Variants in BCAN observed in about 807,000 individuals in gnomAD.
BCAN encodes the protein brevican core protein.
Under a neutral mutation model 92.4 loss-of-function variants are expected in BCAN, and 51 were observed. That is an observed-to-expected ratio of 0.55 (90% CI 0.44 to 0.70). The LOEUF (loss-of-function observed/expected upper bound fraction) is 0.70. Ranked by LOEUF, BCAN falls within the 30% of genes least tolerant of loss-of-function variation. The pLI is 0.00. For missense variants in BCAN, 1,140 were observed against 1,212.1 expected, an observed-to-expected ratio of 0.94 and a Z score of 0.88; for synonymous variants, 501 against 505.2, an observed-to-expected ratio of 0.99 and a Z score of 0.11.
At chr1:156,655,153 C>A (rs983884883) in intron 8 of BCAN, among the ~76,000 whole-genome samples, 1 of 152,220 alleles carries the variant, frequency 6.6e-6, no homozygotes, top group Non-Finnish European at 1.5e-5. Context: ...CCATGACCTA[C>A]ACAGTTGGTC....
At chr1:156,648,455 A>G (rs1571441318) in intron 5 of BCAN, 113 bp from the exon 6 acceptor site, 1 of 1,148,330 alleles carries the variant, frequency 8.7e-7, no homozygotes, top group East Asian at 2.4e-5. Context: ...AGAGTAGTTG[A>G]CTCCCTGCCA....
intron 8 of BCAN, 136 bp from the exon 9 acceptor site, chr1:156,656,146 A>T (rs1196171277): frequency 4.2e-6 from 2 of 474,238 alleles, no homozygotes; most frequent in Non-Finnish European, 7.2e-6. Context: ...CTCTAGGGAG[A>T]ACTTTTAGGG....
intron 1 of BCAN, chr1:156,643,162 A>C (rs1434955144): frequency 6.6e-6 from 1 of 152,250 alleles, no homozygotes; most frequent in Non-Finnish European, 1.5e-5. Context: ...CAGTAAGATC[A>C]GGGAACAGTG....
At position 156,652,374 on chromosome 1, in the gene BCAN, A is replaced by G; in HGVS notation, c.1424A>G (p.Glu475Gly). 6.2e-7 allele frequency: 1 copy of G among 1,612,438 alleles called. No individual in the cohort carries two copies. Among genetic ancestry groups the G allele is most frequent in the Non-Finnish European group, 8.5e-7 (1 of 1,179,136 alleles). ...GAGGAAGAAGAAGAGGAGGAGGTGGAGGATGAGGCTCTGTGGGCATGGCCC... is the reference window on the plus strand; with the variant it reads ...GAGGAAGAAGAAGAGGAGGAGGTGGGGGATGAGGCTCTGTGGGCATGGCCC... ...KEEEEEEEEV[E>G]DEALWAWPSE... Residue 475 changes from glutamate to glycine, a missense_variant, in exon 8 of 14, where the codon GAG becomes GGG. Around this residue, in one of 3 missense-constraint regions of BCAN, gnomAD observed 825 missense variants for 871.8 expected, o/e 0.95. Transcript: ENST00000329117.
In BCAN at chr1:156,658,858, C is replaced by A; in HGVS notation, c.2628+125C>A. ...GAGCCATCACTGCCCCTCTCTGAGG[C>A]AAAGGGGAAGAGGTGGGCTGGAGGC... On this transcript the variant is annotated intron_variant, in intron 13 of 13. Coordinates refer to ENST00000329117, the MANE Select transcript of BCAN (RefSeq NM_021948.5). This position sits in a 1 kb window ranked among gnomAD's most constrained non-coding sequence, Gnocchi z 4.4. The A allele has an allele frequency of 1.4e-6, 2 of 1,438,028 alleles. No individual in the cohort carries two copies. The highest frequency in any genetic ancestry group is 1.9e-6 in the Non-Finnish European group (2 of 1,049,508). The allele number at this position is 1,438,028 out of a possible 1,614,324, so 89.1% of individuals were successfully genotyped here. A position where few individuals can be genotyped will look rare whatever the true frequency, so the allele number is the denominator to read the frequency against.
At position 156,658,187 on chromosome 1, in the gene BCAN, G is replaced by T. The variant is rs776936298; in HGVS notation, c.2353G>T (p.Val785Leu). Residue 785 changes from valine to leucine, a missense_variant, in exon 12 of 14, where the codon GTG becomes TTG. By Grantham distance (32) the Val-to-Leu change is conservative (BLOSUM62 1). This residue lies in a region of BCAN where 825 missense variants were observed against 871.8 expected (regional missense o/e 0.95). Transcript: ENST00000329117. This position sits in a 1 kb window ranked among gnomAD's most constrained non-coding sequence, Gnocchi z 4.4. ...CTACTTCCTGTCTGGAGAGAACTGC[G>T]TGGTCATGGTGTGGCATGATCAGGG... The part of the protein sequence containing the change: ...DSYFLSGENC[V>L]VMVWHDQGQW... The T allele has an allele frequency of 2.5e-6, 4 of 1,613,920 alleles. No individual in the cohort carries two copies. The highest frequency in any genetic ancestry group is 1.7e-6 in the Non-Finnish European group (2 of 1,179,964).
At position 156,652,866 on chromosome 1, in the gene BCAN, G is replaced by T; in HGVS notation, c.1916G>T (p.Gly639Val). The T allele has an allele frequency of 6.2e-7, 1 of 1,613,836 alleles. No individual in the cohort carries two copies. The highest frequency in any genetic ancestry group is 1.1e-5 in the South Asian group (1 of 91,082). Residue 639 changes from glycine (G) to valine (V), a missense_variant, in exon 8 of 14, where the codon GGT (glycine) becomes GTT (valine). This residue lies in a region of BCAN where 825 missense variants were observed against 871.8 expected (regional missense o/e 0.95). Transcript: ENST00000329117. ...CTGCCCACTGACAGCGCCAGCCGAG[G>T]TGGAGTGGCCGTGGTCCCCGCATCA... Reference protein sequence around the residue: ...PVLPTDSASRGGVAVVPASGD... With the variant: ...PVLPTDSASRVGVAVVPASGD...
At chr1:156,644,351 AG>A (rs1678892512) in intron 1 of BCAN, 1 of 152,266 alleles carries the variant, frequency 6.6e-6, no homozygotes, top group Non-Finnish European at 1.5e-5. Context: ...GAGAGAAGGG[AG>A]GGAGGGCACC....
chr1:156,643,633 C>CAGAGGGAGAG (rs1179850412), intron 1 of BCAN: 1 of 90,830 alleles, frequency 1.1e-5, no homozygotes, highest in African/African-American at 3.4e-5. Context: ...CACACACACA[C>CAGAGGGAGAG]ACAGAGAGAG....
rs761374302 is a variant in BCAN, at chr1:156,658,699, A to T, written c.2594A>T (p.Glu865Val). The T allele has an allele frequency of 6.2e-7, 1 of 1,613,972 alleles. No homozygotes were observed. ...LIRCQENGRWEAPQISCVPRR... is the reference protein window; with the variant it reads ...LIRCQENGRWVAPQISCVPRR... ...CGATGCCAAGAGAACGGTCGTTGGGAGGCCCCCCAGATCTCCTGTGTGCCC... is the reference window on the plus strand; with the variant it reads ...CGATGCCAAGAGAACGGTCGTTGGGTGGCCCCCCAGATCTCCTGTGTGCCC... The change falls in exon 13 of 14, where the codon GAG becomes GTG. Residue 865 changes from glutamate (E) to valine (V), a missense_variant. By Grantham distance (121) the Glu-to-Val change is moderately radical. Transcript: ENST00000329117. This position sits in a 1 kb window ranked among gnomAD's most constrained non-coding sequence, Gnocchi z 4.4.
At chr1:156,645,907 A>G (rs1266096929) in intron 1 of BCAN, 140 bp from the exon 2 acceptor site, 2 of 597,712 alleles carry the variant, frequency 3.3e-6, no homozygotes, top group Non-Finnish European at 5.5e-6. Context: ...GGGATCAGAA[A>G]CAGAGAGTCC....
Position 156,658,647 on chromosome 1 carries a change from C to T in BCAN, c.2542C>T (p.Leu848=). 9.9e-6 allele frequency: 16 copies of T among 1,614,186 alleles called. No individual in the cohort carries two copies. Among genetic ancestry groups the T allele is most frequent in the Non-Finnish European group, 1.3e-5 (15 of 1,180,048 alleles). The change falls in exon 13 of 14, where the codon CTG becomes TTG. Residue 848 remains leucine (L), a synonymous_variant. Coordinates refer to ENST00000329117, the MANE Select transcript of BCAN (RefSeq NM_021948.5). The surrounding 1 kb of genome is among the most constrained non-coding windows in gnomAD (Gnocchi z 4.4). ...GCTTCGCTACCGGTGCCGGGAAGGA[C>T]TGGCCCAGCGCAATCTGCCGCTGAT... is the stretch of plus-strand genomic sequence containing the variant. ...TVLRYRCREG[L]AQRNLPLIRC...
chr1:156,646,677 G>A, intron 2 of BCAN, 124 bp from the exon 3 acceptor site: 6 of 1,439,624 alleles, frequency 4.2e-6, no homozygotes, highest in Non-Finnish European at 5.5e-6. Flanking sequence ...CTGGCCCCTG[G>A]TCCTAGGGGG....
chr1:156,649,889 C>A (rs779935040), intron 6 of BCAN: 1 of 518,994 alleles, frequency 1.9e-6, no homozygotes, highest in East Asian at 5.4e-5. Flanking sequence ...GGAGCAGACA[C>A]AGCCTTGAAC....
At position 156,651,052 on chromosome 1, in the gene BCAN, C is replaced by G. The variant is rs568717905; in HGVS notation, c.1064-404C>G. On this transcript the variant is annotated intron_variant, in intron 6 of 13. Coordinates refer to ENST00000329117, the MANE Select transcript of BCAN (RefSeq NM_021948.5). ...CATCCTGCTGGCTCCAGCCCCTCCC[C>G]CTAGGGAATATCTCTCACCTGAGCC... Among the ~76,000 whole-genome samples the G allele has an allele frequency of 7.9e-5, 12 of 152,364 alleles. No individual in the cohort carries two copies. The South Asian group carries it at 1.7e-3, about 21-fold the overall frequency.
rs1262955723 is a variant in BCAN at position 156,647,626 on chromosome 1, C to T, written c.585C>T (p.Ala195=). The change falls in exon 4 of 14, where the codon GCC becomes GCT. Residue 195 remains alanine (A), a synonymous_variant. Transcript: ENST00000329117. This position sits in a 1 kb window ranked among gnomAD's most constrained non-coding sequence, Gnocchi z 4.8. ...HIATPEQLYA[A]YLGGYEQCDA... Reference sequence around the variant, plus strand: ...CCACCCCGGAGCAGCTCTATGCCGCCTACCTTGGGGGCTATGAGCAATGTG... The same window carrying T: ...CCACCCCGGAGCAGCTCTATGCCGCTTACCTTGGGGGCTATGAGCAATGTG... 5 of 1,612,548 alleles carry T rather than the reference C, an allele frequency of 3.1e-6. No individual in the cohort carries two copies. The highest frequency in any genetic ancestry group is 1.3e-5 in the African/African-American group (1 of 74,898).
At chr1:156,656,731 C>T in intron 9 of BCAN, 1 of 660,314 alleles carries the variant, frequency 1.5e-6, no homozygotes, top group Non-Finnish European at 2.5e-6. Flanking sequence ...GTTCCTGTCT[C>T]TTAGAAAAGG....
At chr1:156,653,247 C>A in intron 8 of BCAN, 1 of 1,223,338 alleles carries the variant, frequency 8.2e-7, no homozygotes, top group Non-Finnish European at 1.0e-6. Flanking sequence ...AGGGCTCGGC[C>A]TATTTTCCAC....
At chr1:156,656,679 G>A (rs560049924) in intron 9 of BCAN, 7 of 542,196 alleles carry the variant, frequency 1.3e-5, no homozygotes, top group South Asian at 3.0e-5. Context: ...GCCACTGCTC[G>A]TTAGGATGGA....
Sources: allele counts gnomAD v4.1 joint callset (sites outside exome capture counted in the v4.1 genomes callset), GRCh38; gene constraint gnomAD v4.1.1; regional missense constraint gnomAD v4.1.1; non-coding constraint Gnocchi (gnomAD v3.1); transcripts MANE v1.5; gene names NCBI Gene and HGNC (gene_info 2026-07-23, HGNC 2026-07-21).